AVL9: variants seen among roughly 807,000 people sequenced by gnomAD.
AVL9 encodes the protein late secretory pathway protein AVL9 homolog.
Under a neutral mutation model 79.2 loss-of-function variants are expected in AVL9, and 49 were observed. The observed-to-expected ratio is 0.62, with a 90% CI of 0.49 to 0.79. The LOEUF is 0.79. AVL9 is among the 30% of genes least tolerant of loss of function. The probability of loss-of-function intolerance (pLI) is 0.00; values close to 1 mark genes in which losing one functional copy is unlikely to be tolerated. For synonymous variants in AVL9, 299 were observed against 280.6 expected, an observed-to-expected ratio of 1.07 and a Z score of -0.65; for missense variants, 682 against 776.8, an observed-to-expected ratio of 0.88 and a Z score of 1.45.
rs1192231004 is a variant in AVL9 at position 32,554,587 on chromosome 7, T to C, written c.600T>C (p.Leu200=). 7 of 1,550,580 alleles carry C rather than the reference T, an allele frequency of 4.5e-6. No homozygotes were observed. The highest frequency in any genetic ancestry group is 5.3e-6 in the Non-Finnish European group (6 of 1,142,504). ...KVLILFKLIL[L]EKKVLFYISP... ...TAATCCTATTTAAGCTAATTCTTCTTGAAAAAAAGGTACGATCCTAAGGGA... is the reference window on the plus strand; with the variant it reads ...TAATCCTATTTAAGCTAATTCTTCTCGAAAAAAAGGTACGATCCTAAGGGA... Residue 200 remains leucine, a synonymous_variant, in exon 8 of 16, where the codon CTT becomes CTC. Transcript: ENST00000318709.
At chr7:32,533,662 G>C (rs557832923) in intron 1 of AVL9, 20 of 152,248 alleles carry the variant, frequency 1.3e-4, no homozygotes, top group African/African-American at 4.8e-4. Context: ...TGACTTTGCT[G>C]CCTAAAATAT....
chr7:32,579,319 AT>A (rs1791251211), intron 13 of AVL9, among the ~76,000 whole-genome samples: 1 of 61,130 alleles, frequency 1.6e-5, no homozygotes, highest in Non-Finnish European at 3.1e-5. Context: ...TATTATATAT[AT>A]TTTATATAAT....
At chr7:32,542,252 C>A (rs1022731939) in intron 1 of AVL9, among the ~76,000 whole-genome samples, 2 of 148,602 alleles carry the variant, frequency 1.3e-5, no homozygotes, top group African/African-American at 5.0e-5. Flanking sequence ...GAAATAATCA[C>A]GAATTGGCCG....
At chr7:32,502,236 A>T (rs1787157834) in intron 1 of AVL9, among the ~76,000 whole-genome samples, 1 of 151,848 alleles carries the variant, frequency 6.6e-6, no homozygotes, top group African/African-American at 2.4e-5. Flanking sequence ...TTGGAGGTGC[A>T]TGCCTGTAGT....
intron 1 of AVL9, among the ~76,000 whole-genome samples, chr7:32,515,663 T>C (rs1198346909): frequency 6.6e-6 from 1 of 152,154 alleles, no homozygotes; most frequent in Non-Finnish European, 1.5e-5. Flanking sequence ...AGTGACTGAA[T>C]TGGGGTTTCA....
intron 8 of AVL9, among the ~76,000 whole-genome samples, chr7:32,558,280 C>T (rs1790171351): frequency 6.6e-6 from 1 of 151,782 alleles, no homozygotes; most frequent in Non-Finnish European, 1.5e-5. Context: ...GCCTCAGCCT[C>T]CTGAGTAGCT....
chr7:32,508,066 A>G (rs769525873), intron 1 of AVL9, among the ~76,000 whole-genome samples: 18 of 152,076 alleles, frequency 1.2e-4, no homozygotes, highest in African/African-American at 3.9e-4. Context: ...CTGTTTTTCA[A>G]TTGGATTGTC....
intron 1 of AVL9, among the ~76,000 whole-genome samples, chr7:32,514,203 G>C (rs1787811311): frequency 6.6e-6 from 1 of 152,066 alleles, no homozygotes; most frequent in East Asian, 1.9e-4. Flanking sequence ...GGGCTGTAAG[G>C]TCTTTCCCTT....
chr7:32,571,222 CCTGT>C (rs1355625492), intron 11 of AVL9, among the ~76,000 whole-genome samples: 1 of 121,542 alleles, frequency 8.2e-6, no homozygotes, highest in Non-Finnish European at 1.7e-5. Context: ...ACAGAGTGAC[CCTGT>C]CTCAAAAAAA....
intron 1 of AVL9, among the ~76,000 whole-genome samples, chr7:32,517,549 C>G (rs918187992): frequency 6.6e-6 from 1 of 152,062 alleles, no homozygotes; most frequent in East Asian, 1.9e-4. Flanking sequence ...CGTGATCCAC[C>G]CACCTCGGCC....
chr7:32,508,950 A>G (rs1044801637), intron 1 of AVL9, among the ~76,000 whole-genome samples: 4 of 152,196 alleles, frequency 2.6e-5, no homozygotes, highest in Non-Finnish European at 4.4e-5. Context: ...TTACATTTCC[A>G]TATAAATTAT....
rs1562801491 is a variant in AVL9 at position 32,579,417 on chromosome 7, TTATATATATAATA to T, written c.1689-794_1689-782del. 4.1e-3 allele frequency among the ~76,000 whole-genome samples: 27 copies of T among 6,612 alleles called. 5 individuals carry two copies. The highest frequency in any genetic ancestry group is 0.02 in the African/African-American group (25 of 1,232). 4.3% of individuals were successfully genotyped at this position (6,612 alleles called of 152,430 possible). The stretch of plus-strand genomic sequence containing the variant: ...TATGTTATATATTATATATAATATG[TTATATATATAATA>T]TATATATTATATATAATATATTATA... On this transcript the variant is annotated intron_variant, in intron 13 of 15. Transcript: ENST00000318709.
At chr7:32,572,390 C>T (rs1209363149) in intron 11 of AVL9, among the ~76,000 whole-genome samples, 3 of 90,356 alleles carry the variant, frequency 3.3e-5, no homozygotes, top group African/African-American at 8.7e-5. Context: ...TTATTGGTTA[C>T]ATTCTAGTTC....
At chr7:32,521,949 C>T (rs1487809991) in intron 1 of AVL9, among the ~76,000 whole-genome samples, 1 of 152,192 alleles carries the variant, frequency 6.6e-6, no homozygotes, top group Non-Finnish European at 1.5e-5. Flanking sequence ...GGGTGGAAGC[C>T]CCAAGCTTTG....
At chr7:32,509,348 A>G (rs1465124742) in intron 1 of AVL9, among the ~76,000 whole-genome samples, 2 of 152,170 alleles carry the variant, frequency 1.3e-5, no homozygotes. Context: ...CCCTGTATCT[A>G]TATAGCAGGG....
chr7:32,584,118 G>C lies in AVL9; in HGVS notation c.*211G>C. 1 of 603,518 alleles carries C rather than the reference G, an allele frequency of 1.7e-6. No homozygotes were observed. Among genetic ancestry groups the C allele is most frequent in the Non-Finnish European group, 3.1e-6 (1 of 327,188 alleles). The allele number at this position is 603,518 out of a possible 1,614,324, so 37.4% of individuals were successfully genotyped here. ...GGCTTTCCAGGTTGGGGTTTCAATTGACTACTTTTATTTCAGTCTGAGCCT... is the reference window on the plus strand; with the variant it reads ...GGCTTTCCAGGTTGGGGTTTCAATTCACTACTTTTATTTCAGTCTGAGCCT... On this transcript the variant is annotated 3_prime_UTR_variant, in exon 16 of 16. Transcript: ENST00000318709.
intron 13 of AVL9, among the ~76,000 whole-genome samples, chr7:32,579,447 TATATTA>T (rs1791294792): frequency 1.5e-4 from 1 of 6,852 alleles, no homozygotes; most frequent in African/African-American, 8.4e-4. Flanking sequence ...TTATATATAA[TATATTA>T]TATATTATAT....
chr7:32,503,973 G>A (rs1787300955), intron 1 of AVL9, among the ~76,000 whole-genome samples: 1 of 152,170 alleles, frequency 6.6e-6, no homozygotes, highest in African/African-American at 2.4e-5. Context: ...GTAAGCCACC[G>A]CACCTGGCCT....
At chr7:32,579,506 TATATA>T (rs1359600383) in intron 13 of AVL9, among the ~76,000 whole-genome samples, 64 of 4,480 alleles carry the variant, frequency 0.014, 22 homozygotes, top group African/African-American at 0.072. Flanking sequence ...TATTATATAT[TATATA>T]TTATATTATA....
Sources: gnomAD v4.1 joint callset for allele counts (sites outside exome capture counted in the v4.1 genomes callset) on GRCh38, gnomAD v4.1.1 for gene constraint, MANE v1.5 for transcripts, NCBI Gene and HGNC (gene_info 2026-07-23, HGNC 2026-07-21) for gene names.